The following KSR2 variants were observed in gnomAD, a reference collection of about 807,000 sequenced individuals.
KSR2 encodes kinase suppressor of ras 2.
A neutral mutation model predicts 107.8 loss-of-function variants in KSR2; 25 were observed. The ratio of observed to expected loss-of-function variants is 0.23; its 90% confidence interval spans 0.17 to 0.32. KSR2 has a LOEUF of 0.32. Ranked by LOEUF, KSR2 falls within the 10% of genes least tolerant of loss-of-function variation. The pLI, the probability that KSR2 is intolerant of heterozygous loss-of-function variation, is 1.00. For missense variants in KSR2, 887 were observed against 1,268.9 expected, an observed-to-expected ratio of 0.70 and a Z score of 4.57; for synonymous variants, 480 against 507.0, an observed-to-expected ratio of 0.95 and a Z score of 0.71.
chr12:117,557,843 CTA>C (rs1161011572), intron 8 of KSR2, among the ~76,000 whole-genome samples: 1 of 152,152 alleles, frequency 6.6e-6, no homozygotes, highest in Non-Finnish European at 1.5e-5. Context: ...ATCAGGGGAA[CTA>C]TTTTGAAAGC....
chr12:117,569,809 T>C (rs1878760849), intron 7 of KSR2, among the ~76,000 whole-genome samples: 1 of 152,056 alleles, frequency 6.6e-6, no homozygotes, highest in African/African-American at 2.4e-5. Context: ...TAGTTCACCC[T>C]ATAACCTGAA....
Position 117,706,190 on chromosome 12 carries a change from C to T in KSR2, c.987-38532G>A, listed in dbSNP as rs529178401. On this transcript the variant is annotated intron_variant, in intron 4 of 19. Transcript: ENST00000339824. ...TCCCAAGTAGCTGGGATTACAGGTG[C>T]ATGCCACCACACCCAGATAATTTTT... 3.3e-5 allele frequency among the ~76,000 whole-genome samples: 5 copies of T among 151,778 alleles called. No individual in the cohort carries two copies. The South Asian group carries it at 1.0e-3, about 32-fold the overall frequency.
rs1260072945 is a variant in KSR2, at chr12:117,459,679, G to C, written c.*7520C>G. ...CTTTTCACATTGGCCTCCAAGCCAT[G>C]GTATGTTGGAGAAGCCACCAACACA... On this transcript the variant is annotated 3_prime_UTR_variant, in exon 20 of 20. Coordinates refer to ENST00000339824, the MANE Select transcript of KSR2 (RefSeq NM_173598.6). 1 of 152,192 alleles carries C rather than the reference G, an allele frequency of 6.6e-6. No individual in the cohort carries two copies. Among genetic ancestry groups the C allele is most frequent in the Non-Finnish European group, 1.5e-5 (1 of 68,034 alleles). 9.4% of individuals were successfully genotyped at this position (152,192 alleles called of 1,614,324 possible).
chr12:117,699,714 T>C (rs1322651473), intron 4 of KSR2, among the ~76,000 whole-genome samples: 1 of 152,130 alleles, frequency 6.6e-6, no homozygotes, highest in Non-Finnish European at 1.5e-5. Flanking sequence ...AAGTGGTGAA[T>C]GAATGTGAAG....
chr12:117,531,113 A>G, intron 11 of KSR2, 100 bp from the exon 12 acceptor site: 1 of 937,498 alleles, frequency 1.1e-6, no homozygotes, highest in Non-Finnish European at 1.7e-6. Flanking sequence ...TTTTCACCAG[A>G]TCTTGGATCT....
At chr12:117,678,694 A>T (rs891865016) in intron 4 of KSR2, among the ~76,000 whole-genome samples, 1 of 152,104 alleles carries the variant, frequency 6.6e-6, no homozygotes, top group Non-Finnish European at 1.5e-5. Context: ...TCAGAGATTG[A>T]GCCAAGTAAC....
chr12:117,615,380 A>C (rs891698092), intron 5 of KSR2, among the ~76,000 whole-genome samples: 4 of 41,968 alleles, frequency 9.5e-5, no homozygotes, highest in Non-Finnish European at 1.7e-4. Context: ...CTGCCAACCA[A>C]TGTTAAATGC....
intron 5 of KSR2, among the ~76,000 whole-genome samples, chr12:117,626,043 G>C (rs1882492967): frequency 6.6e-6 from 1 of 152,140 alleles, no homozygotes; most frequent in Non-Finnish European, 1.5e-5. Context: ...GGGATCGGTG[G>C]TGATATCCCC....
At chr12:117,769,205 T>C (rs1431140448) in intron 3 of KSR2, among the ~76,000 whole-genome samples, 1 of 152,070 alleles carries the variant, frequency 6.6e-6, no homozygotes, top group Admixed American at 6.5e-5. Flanking sequence ...CACAAAATTC[T>C]AAAATCTCAT....
In KSR2 at chr12:117,968,306, G is replaced by GGGGC; in HGVS notation, c.-52_-51insGCCC. 9.2e-7 allele frequency: 1 copy of GGGGC among 1,092,634 alleles called. No individual in the cohort carries two copies. The highest frequency in any genetic ancestry group is 1.1e-6 in the Non-Finnish European group (1 of 879,764). The allele number at this position is 1,092,634 out of a possible 1,614,324, so 67.7% of individuals were successfully genotyped here. The stretch of plus-strand genomic sequence containing the variant: ...TCCTCCTCCTCCCAGAGAGAAAAAA[G>GGGGC]AGGGGGGGGAGTAGAGGTAGTCTAC... On this transcript the variant is annotated 5_prime_UTR_variant, in exon 1 of 20. Transcript: ENST00000339824.
At chr12:117,732,542 G>A (rs1461325207) in intron 4 of KSR2, among the ~76,000 whole-genome samples, 6 of 152,022 alleles carry the variant, frequency 3.9e-5, no homozygotes, top group South Asian at 2.1e-4. Context: ...CGTCCACCTC[G>A]GCCTTCCAAA....
intron 8 of KSR2, 32 bp from the exon 9 acceptor site, chr12:117,555,325 T>G (rs1352147447): frequency 1.9e-6 from 3 of 1,612,100 alleles, no homozygotes; most frequent in Admixed American, 3.3e-5. Context: ...TTTGGGAGTT[T>G]AAGTATCACT....
intron 1 of KSR2, among the ~76,000 whole-genome samples, chr12:117,963,694 C>T (rs76819492): frequency 0.013 from 1,999 of 152,248 alleles, 43 homozygotes; most frequent in African/African-American, 0.046. Flanking sequence ...AGGGATGAAA[C>T]GTTGTTGGTC....
At chr12:117,637,062 T>G (rs776495230) in intron 5 of KSR2, among the ~76,000 whole-genome samples, 53 of 152,160 alleles carry the variant, frequency 3.5e-4, no homozygotes, top group Non-Finnish European at 5.9e-5. Context: ...TTCAACCTCA[T>G]CAGCAATTAG....
intron 3 of KSR2, among the ~76,000 whole-genome samples, chr12:117,838,274 T>C (rs972685532): frequency 9.2e-5 from 14 of 152,124 alleles, no homozygotes; most frequent in African/African-American, 3.1e-4. Context: ...TTCACGCAAT[T>C]CTCCTGCCTC....
intron 3 of KSR2, among the ~76,000 whole-genome samples, chr12:117,840,452 G>A (rs552561426): frequency 1.3e-5 from 2 of 152,150 alleles, no homozygotes; most frequent in African/African-American, 2.4e-5. Context: ...CTGGAGTGCA[G>A]TGGCATGATC....
intron 3 of KSR2, among the ~76,000 whole-genome samples, chr12:117,805,027 G>A (rs969099974): frequency 3.3e-5 from 5 of 152,100 alleles, no homozygotes; most frequent in South Asian, 4.2e-4. Context: ...ACCAACCATC[G>A]CGGATGGACT....
At chr12:117,868,902 C>A (rs574645290) in intron 1 of KSR2, among the ~76,000 whole-genome samples, 1 of 152,044 alleles carries the variant, frequency 6.6e-6, no homozygotes, top group African/African-American at 2.4e-5. Context: ...AGGTGCGTGC[C>A]ACCACACTCA....
chr12:117,484,289 G>T, intron 16 of KSR2, 127 bp downstream of exon 16: 1 of 1,032,736 alleles, frequency 9.7e-7, no homozygotes, highest in Non-Finnish European at 1.4e-6. Flanking sequence ...TAGAGCAGCT[G>T]CCCCACTCAG....
Sources: allele counts gnomAD v4.1 joint callset (sites outside exome capture counted in the v4.1 genomes callset), GRCh38; gene constraint gnomAD v4.1.1; transcripts MANE v1.5; gene names NCBI Gene and HGNC (gene_info 2026-07-23, HGNC 2026-07-21).